Variants in LIN28B observed in about 807,000 individuals in gnomAD.
LIN28B encodes lin-28 RNA binding posttranscriptional regulator B.
A neutral mutation model predicts 21.9 loss-of-function variants in LIN28B; 5 were observed. The observed-to-expected ratio is 0.23, with a 90% CI of 0.12 to 0.48. The LOEUF (loss-of-function observed/expected upper bound fraction) is 0.48, where lower values mean the gene tolerates loss of function less well. Among genes scored for constraint, LIN28B ranks in the 20% least tolerant of loss-of-function variants. The pLI, the probability that LIN28B is intolerant of heterozygous loss-of-function variation, is 0.98. For synonymous variants in LIN28B, 109 were observed against 111.3 expected, an observed-to-expected ratio of 0.98 and a Z score of 0.13; for missense variants, 245 against 310.5, an observed-to-expected ratio of 0.79 and a Z score of 1.58.
At chr6:104,976,712 A>T (rs1255463574) in intron 2 of LIN28B, among the ~76,000 whole-genome samples, 1 of 152,194 alleles carries the variant, frequency 6.6e-6, no homozygotes, top group Non-Finnish European at 1.5e-5. Context: ...AAGGCATTTC[A>T]TATTGTAAAT....
intron 2 of LIN28B, among the ~76,000 whole-genome samples, chr6:104,975,143 T>G (rs922843791): frequency 1.3e-5 from 2 of 152,120 alleles, no homozygotes; most frequent in Non-Finnish European, 1.5e-5. Flanking sequence ...AATTTTTGAA[T>G]ATTATTTGTT....
chr6:105,042,158 G>C (rs1449191768), intron 3 of LIN28B, among the ~76,000 whole-genome samples: 1 of 152,176 alleles, frequency 6.6e-6, no homozygotes. Context: ...AGAATTAAAA[G>C]TAGGGGAAAG....
At chr6:104,987,891 C>T (rs961897666) in intron 2 of LIN28B, among the ~76,000 whole-genome samples, 3 of 151,912 alleles carry the variant, frequency 2.0e-5, no homozygotes, top group Admixed American at 6.6e-5. Flanking sequence ...TTACAGGTGC[C>T]CACCACCACG....
chr6:105,022,394 G>A (rs988537903), intron 2 of LIN28B, among the ~76,000 whole-genome samples: 1 of 152,118 alleles, frequency 6.6e-6, no homozygotes, highest in African/African-American at 2.4e-5. Flanking sequence ...AAAAATTCAG[G>A]GGAAATTGTA....
rs961281320 is a variant in LIN28B, at chr6:105,078,893, A to G, written c.*110A>G. 2 of 1,273,512 alleles carry G rather than the reference A, an allele frequency of 1.6e-6. No homozygotes were observed. The highest frequency in any genetic ancestry group is 2.3e-5 in the Admixed American group (1 of 42,706). 78.9% of individuals were successfully genotyped at this position (1,273,512 alleles called of 1,614,324 possible). A position where few individuals can be genotyped will look rare whatever the true frequency, so the allele number is the denominator to read the frequency against. On this transcript the variant is annotated 3_prime_UTR_variant, in exon 4 of 4. Transcript: ENST00000345080. ...TAGCTGACCTGGGATTTTAACTACTATTGGGGAACTGTGAATTTTTTAAAC... is the reference window on the plus strand; with the variant it reads ...TAGCTGACCTGGGATTTTAACTACTGTTGGGGAACTGTGAATTTTTTAAAC...
At chr6:104,963,887 A>T (rs1256061599) in intron 2 of LIN28B, among the ~76,000 whole-genome samples, 8 of 152,218 alleles carry the variant, frequency 5.3e-5, no homozygotes, top group African/African-American at 1.9e-4. Flanking sequence ...TAAAAATATG[A>T]GTGTCAAACC....
chr6:105,077,918 T>G (rs1214903371), intron 3 of LIN28B, among the ~76,000 whole-genome samples: 1 of 152,204 alleles, frequency 6.6e-6, no homozygotes, highest in Non-Finnish European at 1.5e-5. Flanking sequence ...TCAAAATAAT[T>G]AACATTCAAA....
At position 105,078,982 on chromosome 6, in the gene LIN28B, AT is replaced by A; in HGVS notation, c.*200del. The A allele has an allele frequency of 3.5e-6, 2 of 576,782 alleles. No individual in the cohort carries two copies. The highest frequency in any genetic ancestry group is 4.5e-5 in the South Asian group (2 of 44,700). 35.7% of individuals were successfully genotyped at this position (576,782 alleles called of 1,614,324 possible). On this transcript the variant is annotated 3_prime_UTR_variant, in exon 4 of 4. Coordinates refer to ENST00000345080, the MANE Select transcript of LIN28B (RefSeq NM_001004317.4). ...GTCATGTTTTATGTTAATTCAGAGA[AT>A]AAGATACTATGTCTGTCAATATGTG...
intron 2 of LIN28B, among the ~76,000 whole-genome samples, chr6:104,977,032 T>G (rs540868831): frequency 6.6e-6 from 1 of 152,012 alleles, no homozygotes; most frequent in Non-Finnish European, 1.5e-5. Flanking sequence ...TACTCCTTAT[T>G]TTTATTTTTT....
At chr6:104,997,658 A>G (rs1246379393) in intron 2 of LIN28B, among the ~76,000 whole-genome samples, 1 of 151,706 alleles carries the variant, frequency 6.6e-6, no homozygotes, top group Non-Finnish European at 1.5e-5. Context: ...ACATTTGGTG[A>G]TGATGATAGA....
intron 2 of LIN28B, among the ~76,000 whole-genome samples, chr6:104,999,928 T>G (rs1770686910): frequency 6.6e-6 from 1 of 152,180 alleles, no homozygotes; most frequent in African/African-American, 2.4e-5. Flanking sequence ...GTGATCCGCC[T>G]GCCTCGGCCT....
At chr6:105,001,081 C>T (rs1274077451) in intron 2 of LIN28B, among the ~76,000 whole-genome samples, 1 of 152,172 alleles carries the variant, frequency 6.6e-6, no homozygotes, top group Non-Finnish European at 1.5e-5. Context: ...GCTGTTGTTA[C>T]TTCACTCATT....
chr6:105,018,729 C>T (rs1013911105), intron 2 of LIN28B, among the ~76,000 whole-genome samples: 2 of 151,878 alleles, frequency 1.3e-5, no homozygotes, highest in South Asian at 4.1e-4. Context: ...TTCTTCCTTC[C>T]TCACCTCCCA....
intron 2 of LIN28B, among the ~76,000 whole-genome samples, chr6:104,970,956 C>T (rs1769965628): frequency 6.6e-6 from 1 of 151,834 alleles, no homozygotes; most frequent in African/African-American, 2.4e-5. Flanking sequence ...GATGCTTATT[C>T]CTAATTTGGT....
chr6:105,033,956 T>C (rs1771473695), intron 3 of LIN28B, among the ~76,000 whole-genome samples: 1 of 151,632 alleles, frequency 6.6e-6, no homozygotes, highest in African/African-American at 2.4e-5. Context: ...TTAGTTTATA[T>C]TAACAGATAT....
In LIN28B at chr6:104,938,377, C is replaced by CG. The variant is rs1467704806; in HGVS notation, c.18+1262dup. On this transcript the variant is annotated intron_variant, in intron 2 of 5. Transcript: ENST00000635857. ...TGCCAAGGTCAGGCATGGTGGATCACGCCTGTAATCCCAGCACTTTGAAGG... is the reference window on the plus strand; with the variant it reads ...TGCCAAGGTCAGGCATGGTGGATCACGGCCTGTAATCCCAGCACTTTGAAGG... 8.5e-5 allele frequency among the ~76,000 whole-genome samples: 13 copies of CG among 152,142 alleles called. No individual in the cohort carries two copies. In the East Asian group the frequency reaches 2.3e-3, roughly 27 times the overall value.
At chr6:105,021,486 C>G (rs1771140286) in intron 2 of LIN28B, among the ~76,000 whole-genome samples, 1 of 152,166 alleles carries the variant, frequency 6.6e-6, no homozygotes, top group South Asian at 2.1e-4. Flanking sequence ...TTCCTACCAA[C>G]AGTGTATAAG....
intron 2 of LIN28B, among the ~76,000 whole-genome samples, chr6:105,000,452 G>A (rs1002376343): frequency 2.0e-5 from 3 of 152,032 alleles, no homozygotes; most frequent in African/African-American, 7.2e-5. Flanking sequence ...AGAAAACAAA[G>A]CAATAGCAGT....
intron 2 of LIN28B, among the ~76,000 whole-genome samples, chr6:105,018,166 G>A (rs1771067309): frequency 6.6e-6 from 1 of 151,596 alleles, no homozygotes. Flanking sequence ...GTGCACTTGT[G>A]GTCCTAGCTA....
Sources: allele counts gnomAD v4.1 joint callset (sites outside exome capture counted in the v4.1 genomes callset), GRCh38; gene constraint gnomAD v4.1.1; transcripts MANE v1.5; gene names NCBI Gene and HGNC (gene_info 2026-07-23, HGNC 2026-07-21).